The following MCU variants were observed in gnomAD, a reference collection of about 807,000 sequenced individuals.
The protein encoded by MCU is calcium uniporter protein, mitochondrial.
Under a neutral mutation model 45.2 loss-of-function variants are expected in MCU, and 12 were observed. That is an observed-to-expected ratio of 0.27 (90% confidence interval 0.17 to 0.43). The LOEUF (loss-of-function observed/expected upper bound fraction) is 0.43, where lower values mean the gene tolerates loss of function less well. Among genes scored for constraint, MCU ranks in the 20% least tolerant of loss-of-function variants. The pLI is 1.00. For missense variants in MCU, 324 were observed against 436.7 expected, an observed-to-expected ratio of 0.74 and a Z score of 2.30; for synonymous variants, 160 against 165.1, an observed-to-expected ratio of 0.97 and a Z score of 0.24.
At chr10:72,868,603 G>T in intron 4 of MCU, 100 bp from the exon 5 acceptor site, 1 of 1,057,270 alleles carries the variant, frequency 9.5e-7, no homozygotes. Flanking sequence ...AACACTGAAG[G>T]TGAGATACCT....
At chr10:72,704,484 A>T (rs1275267527) in intron 1 of MCU, among the ~76,000 whole-genome samples, 1 of 151,938 alleles carries the variant, frequency 6.6e-6, no homozygotes, top group African/African-American at 2.4e-5. Flanking sequence ...GACCTGCTAA[A>T]ATTTTAAATT....
chr10:72,815,893 AAAAT>A (rs1344978164), intron 1 of MCU, among the ~76,000 whole-genome samples: 2 of 152,338 alleles, frequency 1.3e-5, no homozygotes, highest in Middle Eastern at 3.4e-3. Context: ...TGATATTATA[AAAAT>A]AAATAACAAA....
intron 1 of MCU, among the ~76,000 whole-genome samples, chr10:72,743,471 A>T (rs1210593683): frequency 7.0e-6 from 1 of 142,072 alleles, no homozygotes; most frequent in Non-Finnish European, 1.5e-5. Flanking sequence ...TATGGGGGGG[A>T]GATAGTAATA....
At chr10:72,699,025 A>G (rs2132646137) in intron 1 of MCU, among the ~76,000 whole-genome samples, 1 of 152,166 alleles carries the variant, frequency 6.6e-6, no homozygotes, top group South Asian at 2.1e-4. Context: ...GTTGGTCTTG[A>G]ACTCCTCGGC....
At chr10:72,820,914 T>G (rs1309360326) in intron 1 of MCU, among the ~76,000 whole-genome samples, 1 of 146,348 alleles carries the variant, frequency 6.8e-6, no homozygotes, top group African/African-American at 2.5e-5. Context: ...CTGTTGTTGG[T>G]TTTTTTTTTT....
intron 1 of MCU, among the ~76,000 whole-genome samples, chr10:72,815,438 A>G (rs370878609): frequency 6.3e-4 from 96 of 152,258 alleles, no homozygotes; most frequent in African/African-American, 2.2e-3. Context: ...ATATAGAACA[A>G]TTGATATCGA....
chr10:72,718,753 A>AT (rs1203088558), intron 1 of MCU, among the ~76,000 whole-genome samples: 3 of 152,224 alleles, frequency 2.0e-5, no homozygotes, highest in African/African-American at 7.2e-5. Flanking sequence ...CAACAGTAGA[A>AT]TAAGTATATA....
At chr10:72,799,590 G>A (rs1271597553) in intron 1 of MCU, among the ~76,000 whole-genome samples, 1 of 151,852 alleles carries the variant, frequency 6.6e-6, no homozygotes, top group Non-Finnish European at 1.5e-5. Flanking sequence ...CTGAGTAGCA[G>A]GGATTACAGG....
chr10:72,760,204 C>T (rs986391095), intron 1 of MCU, among the ~76,000 whole-genome samples: 5 of 151,956 alleles, frequency 3.3e-5, no homozygotes, highest in South Asian at 2.1e-4. Flanking sequence ...ACCATGATGC[C>T]GGGCTAATTT....
At chr10:72,710,015 G>A (rs1431400026) in intron 1 of MCU, among the ~76,000 whole-genome samples, 2 of 152,096 alleles carry the variant, frequency 1.3e-5, no homozygotes, top group African/African-American at 4.8e-5. Flanking sequence ...TCGATCTGTC[G>A]CCCAGGCTGG....
intron 1 of MCU, among the ~76,000 whole-genome samples, chr10:72,751,292 C>T (rs941083384): frequency 2.7e-5 from 4 of 148,646 alleles, no homozygotes; most frequent in Admixed American, 6.7e-5. Context: ...TATGAGCCAC[C>T]GCACCCAGCC....
chr10:72,772,258 C>T (rs752646629), intron 1 of MCU, among the ~76,000 whole-genome samples: 2 of 152,238 alleles, frequency 1.3e-5, no homozygotes, highest in Non-Finnish European at 2.9e-5. Context: ...TGGGCACAAA[C>T]TCCTAGCCAG....
chr10:72,826,091 T>C (rs1844794310), intron 1 of MCU, among the ~76,000 whole-genome samples: 1 of 20,186 alleles, frequency 5.0e-5, no homozygotes, highest in Non-Finnish European at 9.3e-5. Flanking sequence ...ATGGTAGTGC[T>C]TCTCAAACTT....
intron 1 of MCU, among the ~76,000 whole-genome samples, chr10:72,789,260 G>A (rs1844121997): frequency 6.6e-6 from 1 of 152,168 alleles, no homozygotes; most frequent in Non-Finnish European, 1.5e-5. Flanking sequence ...TAGGTAGTAA[G>A]ATGTTTTAGG....
At chr10:72,833,992 G>A (rs76295130) in intron 1 of MCU, among the ~76,000 whole-genome samples, 1,727 of 152,240 alleles carry the variant, frequency 0.011, 29 homozygotes, top group African/African-American at 0.036. Flanking sequence ...GGTAACCGGA[G>A]GAAGAAAAAG....
intron 1 of MCU, among the ~76,000 whole-genome samples, chr10:72,747,630 A>G (rs1037134586): frequency 1.3e-5 from 2 of 152,168 alleles, no homozygotes; most frequent in South Asian, 2.1e-4. Context: ...CCTTGAGCCC[A>G]GTCAGGGTAA....
intron 6 of MCU, among the ~76,000 whole-genome samples, chr10:72,875,342 C>G (rs1355836627): frequency 2.0e-5 from 3 of 152,166 alleles, no homozygotes; most frequent in Non-Finnish European, 4.4e-5. Flanking sequence ...GACTTGAATA[C>G]AGTGTTACCA....
chr10:72,802,061 C>T (rs1180502159), intron 1 of MCU, among the ~76,000 whole-genome samples: 1 of 152,132 alleles, frequency 6.6e-6, no homozygotes, highest in Non-Finnish European at 1.5e-5. Flanking sequence ...TGATACCAAG[C>T]GTTCAACACA....
At chr10:72,850,278 A>ATC (rs1845188231) in intron 2 of MCU, among the ~76,000 whole-genome samples, 2 of 152,184 alleles carry the variant, frequency 1.3e-5, no homozygotes, top group Non-Finnish European at 1.5e-5. Context: ...CTATGATTAT[A>ATC]TCTCACACTT....
Sources: gnomAD v4.1 joint callset for allele counts (sites outside exome capture counted in the v4.1 genomes callset) on GRCh38, gnomAD v4.1.1 for gene constraint, MANE v1.5 for transcripts, NCBI Gene and HGNC (gene_info 2026-07-23, HGNC 2026-07-21) for gene names.